Variants in ASAP2 observed in about 807,000 individuals in gnomAD.
ASAP2 encodes the protein ArfGAP with SH3 domain, ankyrin repeat and PH domain 2.
ASAP2 carries 45 observed loss-of-function variants against 131.4 expected under a neutral mutation model. The observed-to-expected ratio is 0.34, with a 90% CI of 0.27 to 0.44. The LOEUF (loss-of-function observed/expected upper bound fraction) is 0.44. ASAP2 is among the 20% of genes least tolerant of loss of function. The pLI is 1.00. For synonymous variants in ASAP2, 510 were observed against 503.0 expected (o/e 1.01, Z -0.19); for missense variants, 1,011 against 1,297.0 (o/e 0.78, Z 3.39).
intron 15 of ASAP2, 71 bp downstream of exon 15, chr2:9,358,960 T>G: frequency 6.5e-7 from 1 of 1,527,644 alleles, no homozygotes. Flanking sequence ...TTTGGCATTC[T>G]AATCCATTTT....
chr2:9,337,750 G>C (rs562567428), intron 9 of ASAP2, among the ~76,000 whole-genome samples: 1 of 152,066 alleles, frequency 6.6e-6, no homozygotes, highest in Non-Finnish European at 1.5e-5. Context: ...AGCTTGTGCC[G>C]TTCTGGTCCC....
chr2:9,307,999 C>T (rs751423265), intron 3 of ASAP2, among the ~76,000 whole-genome samples: 75 of 152,160 alleles, frequency 4.9e-4, no homozygotes, highest in Non-Finnish European at 6.6e-4. Context: ...TGATAGACCT[C>T]AAGGCAATTC....
At chr2:9,371,442 A>G (rs1673949493) in intron 16 of ASAP2, among the ~76,000 whole-genome samples, 1 of 152,222 alleles carries the variant, frequency 6.6e-6, no homozygotes, top group African/African-American at 2.4e-5. Context: ...TGAATCAGCG[A>G]GTCAAACAAG....
chr2:9,313,153 T>C (rs886527040), intron 3 of ASAP2, among the ~76,000 whole-genome samples: 5 of 152,206 alleles, frequency 3.3e-5, no homozygotes, highest in Non-Finnish European at 5.9e-5. Flanking sequence ...TCACACTCAC[T>C]GCTGAAATGA....
At chr2:9,395,594 C>CTTTTTTTTTTTTTTTTTTTTTTTTT in intron 24 of ASAP2, among the ~76,000 whole-genome samples, 1 of 59,056 alleles carries the variant, frequency 1.7e-5, no homozygotes. Flanking sequence ...TGTTTTTTTT[C>CTTTTTTTTTTTTTTTTTTTTTTTTT]TTTTTTTTTT....
In ASAP2 at chr2:9,397,750, ATTTTTTT is replaced by A. The variant is rs1172660637; in HGVS notation, c.2685-2253_2685-2247del. Among the ~76,000 whole-genome samples the A allele has an allele frequency of 2.5e-4, 11 of 44,806 alleles. 1 individual carries two copies. In the South Asian group the frequency reaches 6.2e-3, roughly 25 times the overall value. The allele number at this position is 44,806 out of a possible 152,430, so 29.4% of individuals were successfully genotyped here. A position where few individuals can be genotyped will look rare whatever the true frequency, so the allele number is the denominator to read the frequency against. On this transcript the variant is annotated intron_variant, in intron 24 of 27. Transcript: ENST00000281419. ...AGGATATATATATATATATATATATATTTTTTTTTTTTTTTTTTTTTTTTTTGAGACG... is the reference window on the plus strand; with the variant it reads ...AGGATATATATATATATATATATATATTTTTTTTTTTTTTTTTTTGAGACG...
rs1292928374 is a variant in ASAP2, at chr2:9,388,300, C to G, written c.2137C>G (p.Pro713Ala). The G allele has an allele frequency of 6.2e-7, 1 of 1,613,830 alleles. No individual in the cohort carries two copies. Among genetic ancestry groups the G allele is most frequent in the Non-Finnish European group, 8.5e-7 (1 of 1,180,034 alleles). The change falls in exon 22 of 28, where the codon CCC becomes GCC. Residue 713 changes from proline to alanine, a missense_variant. Physicochemically the swap from Pro to Ala is conservative, Grantham distance 27 (BLOSUM62 -1). This residue lies in a region of ASAP2 where 652 missense variants were observed against 698.9 expected (regional missense o/e 0.93). Coordinates refer to ENST00000281419, the MANE Select transcript of ASAP2 (RefSeq NM_003887.3). Reference sequence around the variant, plus strand: ...CCCCAATGTTCTCCTGCAGCCCAGTCCCAACCGGCGGGAAGACCGGCCCAT... The same window carrying G: ...CCCCAATGTTCTCCTGCAGCCCAGTGCCAACCGGCGGGAAGACCGGCCCAT... ...DDMDEKLQPS[P>A]NRREDRPISF...
intron 11 of ASAP2, 195 bp from the exon 12 acceptor site, chr2:9,350,613 G>A: frequency 2.1e-6 from 1 of 484,466 alleles, no homozygotes; most frequent in South Asian, 4.3e-5. Flanking sequence ...GGAGGCAGTT[G>A]CCCTCTGTGG....
In ASAP2 at chr2:9,271,984, A is replaced by G. The variant is rs147574097; in HGVS notation, c.127-7333A>G. Among the ~76,000 whole-genome samples the G allele has an allele frequency of 4.0e-3, 616 of 152,172 alleles. 4 individuals carry two copies. The highest frequency in any genetic ancestry group is 0.014 in the African/African-American group (574 of 41,500). On this transcript the variant is annotated intron_variant, in intron 1 of 27. Coordinates refer to ENST00000281419, the MANE Select transcript of ASAP2 (RefSeq NM_003887.3). ...TTAGTGGACACTTAGATTGTTTCCA[A>G]ATCTTGGCCATTGTGAACAGTGCTG...
At chr2:9,275,129 A>G (rs1479677312) in intron 1 of ASAP2, among the ~76,000 whole-genome samples, 4 of 145,256 alleles carry the variant, frequency 2.8e-5, no homozygotes, top group East Asian at 2.0e-4. Flanking sequence ...CACCCAGGCT[A>G]TAGGGCAGTG....
chr2:9,285,803 GA>G (rs893329677), intron 2 of ASAP2, among the ~76,000 whole-genome samples: 40 of 152,294 alleles, frequency 2.6e-4, no homozygotes, highest in African/African-American at 9.4e-4. Flanking sequence ...TTCTTATCGA[GA>G]GTGATATTCC....
chr2:9,249,164 C>A (rs993762840), intron 1 of ASAP2, among the ~76,000 whole-genome samples: 2 of 152,142 alleles, frequency 1.3e-5, no homozygotes, highest in Admixed American at 1.3e-4. Context: ...CCTCTTGGGG[C>A]CTCCTTAGCT....
Position 9,309,138 on chromosome 2 carries a change from C to T in ASAP2, c.346-9386C>T, listed in dbSNP as rs535944358. On this transcript the variant is annotated intron_variant, in intron 3 of 27. Coordinates refer to ENST00000281419, the MANE Select transcript of ASAP2 (RefSeq NM_003887.3). ...ACCTTATAAAAAGGCCTTTCTGACA[C>T]TATTTGAAAGAGTCTCCATCCCACA... 2.0e-5 allele frequency among the ~76,000 whole-genome samples: 3 copies of T among 152,306 alleles called. No homozygotes were observed. The South Asian group carries it at 6.2e-4, about 32-fold the overall frequency.
intron 9 of ASAP2, among the ~76,000 whole-genome samples, chr2:9,343,601 C>T (rs1671748014): frequency 6.6e-6 from 1 of 152,196 alleles, no homozygotes; most frequent in African/African-American, 2.4e-5. Flanking sequence ...CGCCTGCCAC[C>T]ATACCTAGCT....
chr2:9,287,337 A>G (rs963521737), intron 2 of ASAP2, among the ~76,000 whole-genome samples: 2 of 152,276 alleles, frequency 1.3e-5, no homozygotes, highest in Non-Finnish European at 2.9e-5. Flanking sequence ...GGTGAGCCAC[A>G]CATGACCTCA....
At chr2:9,379,981 A>G (rs1323099320) in intron 19 of ASAP2, among the ~76,000 whole-genome samples, 1 of 145,520 alleles carries the variant, frequency 6.9e-6, no homozygotes, top group Non-Finnish European at 1.5e-5. Flanking sequence ...ACAGAGCAAG[A>G]CTCCATCTCA....
Position 9,401,321 on chromosome 2 carries a change from T to C in ASAP2, c.2871T>C (p.Ala957=). The C allele has an allele frequency of 6.2e-7, 1 of 1,613,610 alleles. No homozygotes were observed. Among genetic ancestry groups the C allele is most frequent in the Non-Finnish European group, 8.5e-7 (1 of 1,179,936 alleles). ...TGAAAGCGCTCTATAACTGTGTGGC[T>C]GACAACCCCGATGAGCTCACCTTCT... is the stretch of plus-strand genomic sequence containing the variant. ...KRVKALYNCV[A]DNPDELTFSE... Residue 957 remains alanine (A), a synonymous_variant, in exon 27 of 28, where the codon GCT becomes GCC. Transcript: ENST00000281419.
At chr2:9,393,670 G>A (rs775177670) in intron 24 of ASAP2, 23 bp downstream of exon 24, 119 of 1,546,900 alleles carry the variant, frequency 7.7e-5, no homozygotes, top group Non-Finnish European at 9.7e-5. Flanking sequence ...CAGCCAGCTC[G>A]GCCATCCGTG....
intron 16 of ASAP2, among the ~76,000 whole-genome samples, chr2:9,369,386 G>A (rs753782471): frequency 2.0e-5 from 3 of 152,208 alleles, no homozygotes; most frequent in Non-Finnish European, 4.4e-5. Flanking sequence ...CATCTTATCA[G>A]AGTGTCAGTG....
Sources: gnomAD v4.1 joint callset for allele counts (sites outside exome capture counted in the v4.1 genomes callset) on GRCh38, gnomAD v4.1.1 for gene constraint, gnomAD v4.1.1 regional missense constraint, MANE v1.5 for transcripts, NCBI Gene and HGNC (gene_info 2026-07-23, HGNC 2026-07-21) for gene names.